Variants in TTC1 observed in about 807,000 individuals in gnomAD.
TTC1 encodes tetratricopeptide repeat domain 1.
TTC1 carries 31 observed loss-of-function variants against 37.6 expected under a neutral mutation model. The ratio of observed to expected loss-of-function variants is 0.82; its 90% confidence interval spans 0.62 to 1.11. TTC1 has a LOEUF of 1.11. TTC1 is among the 50% of genes most tolerant of loss of function. The pLI is 0.00. For synonymous variants in TTC1, 127 were observed against 122.4 expected (o/e 1.04, Z -0.25); for missense variants, 351 against 339.0 (o/e 1.04, Z -0.28).
intron 4 of TTC1, among the ~76,000 whole-genome samples, chr5:160,040,639 C>T (rs933434507): frequency 3.3e-5 from 5 of 152,094 alleles, no homozygotes; most frequent in Admixed American, 6.6e-5. Flanking sequence ...AGTGCAATGG[C>T]ACAGTCATCG....
chr5:160,023,630 A>G, intron 2 of TTC1: 5 of 890,920 alleles, frequency 5.6e-6, no homozygotes, highest in Non-Finnish European at 8.7e-6. Context: ...ACAGATCCAG[A>G]TGGACACAGG....
intron 5 of TTC1, among the ~76,000 whole-genome samples, chr5:160,048,807 C>G (rs1002520630): frequency 6.6e-6 from 1 of 152,062 alleles, no homozygotes; most frequent in Non-Finnish European, 1.5e-5. Flanking sequence ...AAAAATTAGC[C>G]GGGCATGGTG....
chr5:160,010,257 CAAAAAA>C lies in TTC1; in HGVS notation c.-29-226_-29-221del, dbSNP rs397882520. Among the ~76,000 whole-genome samples the C allele has an allele frequency of 1.8e-3, 89 of 50,342 alleles. 1 individual carries two copies. In the East Asian group the frequency reaches 0.044, roughly 25 times the overall value. The allele number at this position is 50,342 out of a possible 152,430, so 33.0% of individuals were successfully genotyped here. A position where few individuals can be genotyped will look rare whatever the true frequency, so the allele number is the denominator to read the frequency against. On this transcript the variant is annotated intron_variant, in intron 1 of 7. Transcript: ENST00000231238. The stretch of plus-strand genomic sequence containing the variant: ...TGGGCGACAGACTGAGATTAAGTCT[CAAAAAA>C]AAAAAAAAAAAAAAAAGAATCTGGT...
chr5:160,050,973 TGGGG>T (rs1458925822), intron 6 of TTC1, among the ~76,000 whole-genome samples, 152 bp from the exon 7 acceptor site: 1 of 94,540 alleles, frequency 1.1e-5, no homozygotes. Context: ...CATAAATACT[TGGGG>T]TTTTTTTTTT....
At chr5:160,037,904 A>AGT (rs1757023755) in intron 4 of TTC1, among the ~76,000 whole-genome samples, 1 of 152,118 alleles carries the variant, frequency 6.6e-6, no homozygotes, top group South Asian at 2.1e-4. Flanking sequence ...TGGAAGTGGC[A>AGT]GTGTTTTCAT....
chr5:160,028,215 C>G (rs1329006642), intron 2 of TTC1, among the ~76,000 whole-genome samples: 3 of 149,634 alleles, frequency 2.0e-5, no homozygotes, highest in African/African-American at 7.4e-5. Flanking sequence ...AGGAGAATGG[C>G]GTGAACCCGG....
chr5:160,013,794 C>T (rs1425971439), intron 2 of TTC1, among the ~76,000 whole-genome samples: 2 of 151,162 alleles, frequency 1.3e-5, no homozygotes, highest in Non-Finnish European at 2.9e-5. Flanking sequence ...TCTATCAGAT[C>T]AGAATATTGA....
At chr5:160,028,964 T>C (rs1448520216) in intron 2 of TTC1, among the ~76,000 whole-genome samples, 1 of 152,164 alleles carries the variant, frequency 6.6e-6, no homozygotes, top group Non-Finnish European at 1.5e-5. Context: ...CAATCATGAA[T>C]AGATTATATA....
chr5:160,045,612 C>T (rs1465107497), intron 5 of TTC1, among the ~76,000 whole-genome samples: 1 of 150,592 alleles, frequency 6.6e-6, no homozygotes, highest in Non-Finnish European at 1.5e-5. Flanking sequence ...TAGCTTATTT[C>T]TGAGGTCATA....
At chr5:160,014,391 A>G (rs4640840) in intron 2 of TTC1, among the ~76,000 whole-genome samples, 5,539 of 149,954 alleles carry the variant, frequency 0.037, 137 homozygotes, top group East Asian at 0.12. Context: ...TGGGCCAGGC[A>G]TAGTGGCTCA....
chr5:160,020,308 A>C (rs891762125), intron 2 of TTC1, among the ~76,000 whole-genome samples: 1 of 152,162 alleles, frequency 6.6e-6, no homozygotes, highest in Non-Finnish European at 1.5e-5. Context: ...TCCTAGAAGG[A>C]GCTTAGATTT....
chr5:160,055,748 G>A (rs936602658), intron 7 of TTC1, among the ~76,000 whole-genome samples: 5 of 152,210 alleles, frequency 3.3e-5, no homozygotes, highest in Non-Finnish European at 7.3e-5. Context: ...GCCAGAGGAG[G>A]GCATGGCTAA....
chr5:160,059,705 C>A (rs1352991885), intron 7 of TTC1, among the ~76,000 whole-genome samples: 1 of 152,170 alleles, frequency 6.6e-6, no homozygotes, highest in Non-Finnish European at 1.5e-5. Flanking sequence ...ACCGCACTTA[C>A]CATTTCAGTT....
chr5:160,046,685 CAG>C (rs1438926704), intron 5 of TTC1, among the ~76,000 whole-genome samples: 2 of 152,072 alleles, frequency 1.3e-5, no homozygotes, highest in African/African-American at 2.4e-5. Context: ...TAAATTAAGA[CAG>C]AAGGAAAATG....
At chr5:160,041,313 CTTTTTTT>C (rs368094676) in intron 4 of TTC1, among the ~76,000 whole-genome samples, 2 of 135,610 alleles carry the variant, frequency 1.5e-5, no homozygotes, top group African/African-American at 5.4e-5. Context: ...TGCTTTCTTT[CTTTTTTT>C]TTTTTTTTTG....
Position 160,024,075 on chromosome 5 carries a change from G to C in TTC1, c.331-11065G>C, listed in dbSNP as rs551164804. The C allele has an allele frequency of 1.2e-5, 12 of 983,672 alleles. No homozygotes were observed. The African/African-American group carries it at 1.8e-4, about 14-fold the overall frequency. 60.9% of individuals were successfully genotyped at this position (983,672 alleles called of 1,614,324 possible). A position where few individuals can be genotyped will look rare whatever the true frequency, so the allele number is the denominator to read the frequency against. On this transcript the variant is annotated intron_variant, in intron 2 of 7. Transcript: ENST00000231238. The stretch of plus-strand genomic sequence containing the variant: ...TATACTCTGGTTAGCATGTAAGTGT[G>C]GGGGGATGGGCAATGGGTAGAGCCT...
intron 4 of TTC1, among the ~76,000 whole-genome samples, chr5:160,037,077 A>G (rs1345950938): frequency 6.6e-6 from 1 of 152,222 alleles, no homozygotes; most frequent in Admixed American, 6.5e-5. Context: ...TAATGAAGCA[A>G]TGAGCCAAGC....
At chr5:160,039,317 T>G (rs1163235027) in intron 4 of TTC1, 2 of 151,704 alleles carry the variant, frequency 1.3e-5, no homozygotes, top group Non-Finnish European at 2.9e-5. Flanking sequence ...CCTTATATAT[T>G]ATATACATTG....
chr5:160,011,912 G>A (rs1200087652), intron 2 of TTC1, among the ~76,000 whole-genome samples: 1 of 152,184 alleles, frequency 6.6e-6, no homozygotes, highest in Non-Finnish European at 1.5e-5. Flanking sequence ...GGGGTGGGAA[G>A]GTAGCCTGGG....
Sources: gnomAD v4.1 joint callset for allele counts (sites outside exome capture counted in the v4.1 genomes callset) on GRCh38, gnomAD v4.1.1 for gene constraint, MANE v1.5 for transcripts, NCBI Gene and HGNC (gene_info 2026-07-23, HGNC 2026-07-21) for gene names.